Variants in ROBO2 observed in about 807,000 individuals in gnomAD.
ROBO2 encodes roundabout homolog 2.
ROBO2 carries 53 observed loss-of-function variants against 160.8 expected under a neutral mutation model. That is an observed-to-expected ratio of 0.33 (90% CI 0.26 to 0.41). ROBO2 has a LOEUF of 0.41. ROBO2 is among the 10% of genes least tolerant of loss of function. ROBO2 has a pLI of 1.00. For synonymous variants in ROBO2, 664 were observed against 611.7 expected, an observed-to-expected ratio of 1.09 and a Z score of -1.26; for missense variants, 1,577 against 1,722.4, an observed-to-expected ratio of 0.92 and a Z score of 1.49.
At chr3:76,817,835 T>C (rs1267053478) in intron 2 of ROBO2, among the ~76,000 whole-genome samples, 4 of 151,644 alleles carry the variant, frequency 2.6e-5, no homozygotes, top group African/African-American at 2.4e-5. Flanking sequence ...TCCTTTTTTT[T>C]TTTTTTTTTT....
intron 2 of ROBO2, among the ~76,000 whole-genome samples, chr3:76,463,365 GTGTT>G (rs1194171997): frequency 2.9e-5 from 4 of 137,144 alleles, no homozygotes; most frequent in Admixed American, 7.7e-5. Context: ...ATCTTAGAAA[GTGTT>G]TGGGAAAAAA....
In ROBO2 at chr3:76,916,238, T is replaced by C. The variant is rs1183493072; in HGVS notation, c.110-181776T>C. ...ACATGAACTACATGAATATCTGTAC[T>C]CGAATGAGACTTGTTTATGCAGCCA... On this transcript the variant is annotated intron_variant, in intron 2 of 26. Transcript: ENST00000487694. Among the ~76,000 whole-genome samples, 4 of 152,210 alleles carry C rather than the reference T, an allele frequency of 2.6e-5. No individual in the cohort carries two copies. The East Asian group carries it at 7.7e-4, about 29-fold the overall frequency.
chr3:76,138,981 C>T (rs1440258628), intron 2 of ROBO2, among the ~76,000 whole-genome samples: 1 of 152,108 alleles, frequency 6.6e-6, no homozygotes, highest in Non-Finnish European at 1.5e-5. Context: ...GAATGAGCCA[C>T]AAGAGAATGT....
intron 2 of ROBO2, among the ~76,000 whole-genome samples, chr3:76,997,035 A>G (rs1423475097): frequency 6.6e-6 from 1 of 152,148 alleles, no homozygotes; most frequent in African/African-American, 2.4e-5. Context: ...TAGATATTTA[A>G]TTTGTATCCC....
chr3:76,759,633 A>G (rs1056739309), intron 2 of ROBO2, among the ~76,000 whole-genome samples: 2 of 150,908 alleles, frequency 1.3e-5, no homozygotes, highest in Non-Finnish European at 2.9e-5. Flanking sequence ...CATAAAAAGT[A>G]CATGGAATTT....
intron 2 of ROBO2, among the ~76,000 whole-genome samples, chr3:77,267,196 A>G (rs1243500518): frequency 6.6e-6 from 1 of 152,182 alleles, no homozygotes; most frequent in African/African-American, 2.4e-5. Flanking sequence ...TGCTGTTTCA[A>G]ACATGCCCAG....
At chr3:77,139,338 A>G (rs1246941717) in intron 2 of ROBO2, among the ~76,000 whole-genome samples, 1 of 152,172 alleles carries the variant, frequency 6.6e-6, no homozygotes, top group Non-Finnish European at 1.5e-5. Flanking sequence ...CCTTCCATGT[A>G]CTTTATTCCA....
intron 2 of ROBO2, among the ~76,000 whole-genome samples, chr3:76,368,987 C>G (rs1443605463): frequency 2.0e-5 from 3 of 151,960 alleles, no homozygotes; most frequent in African/African-American, 7.2e-5. Context: ...AACAAACTCT[C>G]ACAATAAAAG....
intron 2 of ROBO2, among the ~76,000 whole-genome samples, chr3:76,532,094 A>T (rs948274781): frequency 2.6e-5 from 4 of 152,154 alleles, no homozygotes; most frequent in African/African-American, 9.7e-5. Context: ...TAATCAGGAC[A>T]TATCTTTGTC....
intron 1 of ROBO2, among the ~76,000 whole-genome samples, chr3:77,053,726 A>G: frequency 6.6e-6 from 1 of 152,220 alleles, no homozygotes; most frequent in East Asian, 1.9e-4. Flanking sequence ...GGCAGCAGAA[A>G]ATATTAGTGG....
At chr3:76,332,432 T>C (rs1192828061) in intron 2 of ROBO2, among the ~76,000 whole-genome samples, 1 of 152,214 alleles carries the variant, frequency 6.6e-6, no homozygotes, top group Non-Finnish European at 1.5e-5. Context: ...TGACTAATGA[T>C]GCAAAAGTTT....
intron 2 of ROBO2, among the ~76,000 whole-genome samples, chr3:76,648,492 G>T (rs551313543): frequency 6.6e-6 from 1 of 152,080 alleles, no homozygotes; most frequent in South Asian, 2.1e-4. Flanking sequence ...ATTATCTAGG[G>T]TGGCCTGAAT....
intron 2 of ROBO2, among the ~76,000 whole-genome samples, chr3:77,336,935 G>C (rs1016851382): frequency 2.0e-5 from 3 of 152,144 alleles, no homozygotes; most frequent in African/African-American, 7.2e-5. Flanking sequence ...CTTTTGTTTT[G>C]CTAAATTCGG....
intron 5 of ROBO2, among the ~76,000 whole-genome samples, chr3:77,494,870 A>C (rs1040261348): frequency 2.0e-5 from 3 of 152,356 alleles, no homozygotes; most frequent in Admixed American, 6.5e-5. Flanking sequence ...TACAGGAATA[A>C]AACAAGTGAA....
intron 2 of ROBO2, among the ~76,000 whole-genome samples, chr3:76,241,217 T>C (rs1380821570): frequency 6.6e-6 from 1 of 152,198 alleles, no homozygotes; most frequent in East Asian, 1.9e-4. Context: ...ACTCTGTTAT[T>C]GAATAACTAT....
intron 2 of ROBO2, among the ~76,000 whole-genome samples, chr3:77,373,713 A>G (rs1014516688): frequency 3.3e-5 from 5 of 151,996 alleles, no homozygotes; most frequent in South Asian, 2.1e-4. Context: ...GCTGCCAGCA[A>G]TCCTCTCTAT....
At chr3:77,546,582 A>G in intron 7 of ROBO2, 120 bp downstream of exon 8, 1 of 1,270,932 alleles carries the variant, frequency 7.9e-7, no homozygotes, top group Non-Finnish European at 1.1e-6. Context: ...TTTCTGAAAA[A>G]GAGACTGGTG....
At chr3:77,224,831 G>A (rs1370144717) in intron 2 of ROBO2, among the ~76,000 whole-genome samples, 1 of 151,748 alleles carries the variant, frequency 6.6e-6, no homozygotes, top group African/African-American at 2.4e-5. Flanking sequence ...TATACTTTAT[G>A]TTATTAGACA....
intron 2 of ROBO2, among the ~76,000 whole-genome samples, chr3:76,739,240 A>G (rs181204237): frequency 6.6e-6 from 1 of 152,220 alleles, no homozygotes; most frequent in Admixed American, 6.5e-5. Context: ...CAAATGTCCA[A>G]CAATGATAGA....
Sources: allele counts gnomAD v4.1 joint callset (sites outside exome capture counted in the v4.1 genomes callset), GRCh38; gene constraint gnomAD v4.1.1; transcripts MANE v1.5; gene names NCBI Gene and HGNC (gene_info 2026-07-23, HGNC 2026-07-21).